The following ELOVL4 variants were observed in gnomAD, a reference collection of about 807,000 sequenced individuals.
ELOVL4 encodes the protein ELOVL fatty acid elongase 4, also known as very long chain fatty acid elongase 4.
ELOVL4 carries 18 observed loss-of-function variants against 42.1 expected under a neutral mutation model. The ratio of observed to expected loss-of-function variants is 0.43; its 90% CI spans 0.30 to 0.63. ELOVL4 has a LOEUF of 0.63. ELOVL4 is among the 30% of genes least tolerant of loss of function. The probability of loss-of-function intolerance (pLI) is 0.15; values close to 1 mark genes in which losing one functional copy is unlikely to be tolerated. For missense variants in ELOVL4, 299 were observed against 376.2 expected (o/e 0.79, Z 1.70); for synonymous variants, 117 against 127.0 (o/e 0.92, Z 0.53).
intron 1 of ELOVL4, among the ~76,000 whole-genome samples, chr6:79,928,740 T>G (rs796563375): frequency 7.0e-6 from 1 of 141,852 alleles, no homozygotes; most frequent in Non-Finnish European, 1.5e-5. Flanking sequence ...TTTTTTTTTT[T>G]TTTTTTTTTT....
intron 1 of ELOVL4, among the ~76,000 whole-genome samples, chr6:79,930,170 C>T (rs1356003289): frequency 6.6e-6 from 1 of 152,160 alleles, no homozygotes; most frequent in African/African-American, 2.4e-5. Flanking sequence ...TACTTCATTC[C>T]TTACTCCAGG....
intron 1 of ELOVL4, among the ~76,000 whole-genome samples, chr6:79,945,583 G>A (rs1645198874): frequency 6.6e-6 from 1 of 152,130 alleles, no homozygotes; most frequent in African/African-American, 2.4e-5. Flanking sequence ...CTGGCTATAT[G>A]GAGACTGGAG....
Position 79,928,755 on chromosome 6 carries a change from T to TA in ELOVL4, c.101-2375dup, listed in dbSNP as rs1554162854. 4.3e-4 allele frequency among the ~76,000 whole-genome samples: 63 copies of TA among 145,494 alleles called. 1 individual carries two copies. In the East Asian group the frequency reaches 0.013, roughly 29 times the overall value. ...TTTTTTTTTTTTTTTTTTTTTTTTT[T>TA]AAGAAATGGAGTCTCATTCTATTGT... On this transcript the variant is annotated intron_variant, in intron 1 of 5. Transcript: ENST00000369816.
chr6:79,919,508 A>G lies in ELOVL4; in HGVS notation c.581T>C (p.Ile194Thr). The part of the protein sequence containing the change: ...GAQLNSFIHV[I>T]MYSYYGLTAF... ...AGTTAACCCATAGTATGAGTACATA[A>G]TCACATGGATAAAGGAATTCAACTG... Residue 194 changes from isoleucine to threonine, a missense_variant, in exon 5 of 6, where the codon ATT (isoleucine) becomes ACT (threonine). Ile to Thr is a moderately conservative substitution (Grantham distance 89). Coordinates refer to ENST00000369816, the MANE Select transcript of ELOVL4 (RefSeq NM_022726.4). 6.2e-7 allele frequency: 1 copy of G among 1,613,718 alleles called. No homozygotes were observed. Among genetic ancestry groups the G allele is most frequent in the Non-Finnish European group, 8.5e-7 (1 of 1,179,754 alleles).
In ELOVL4 at chr6:79,938,468, T is replaced by C. The variant is rs558336939; in HGVS notation, c.100+8712A>G. Among the ~76,000 whole-genome samples the C allele has an allele frequency of 2.0e-5, 3 of 152,366 alleles. No homozygotes were observed. In the South Asian group the frequency reaches 6.2e-4, roughly 32 times the overall value. Reference sequence around the variant, plus strand: ...TGGGTAAAATACGGTTAGTCCTGAATGAATTTCATTATCCTTTCACTAACA... The same window carrying C: ...TGGGTAAAATACGGTTAGTCCTGAACGAATTTCATTATCCTTTCACTAACA... On this transcript the variant is annotated intron_variant, in intron 1 of 5. Coordinates refer to ENST00000369816, the MANE Select transcript of ELOVL4 (RefSeq NM_022726.4).
chr6:79,943,833 T>G (rs1774689884), intron 1 of ELOVL4, among the ~76,000 whole-genome samples: 1 of 152,224 alleles, frequency 6.6e-6, no homozygotes, highest in African/African-American at 2.4e-5. Context: ...CACTCATCCC[T>G]TCTTTCTGAC....
rs1201139304 is a variant in ELOVL4, at chr6:79,919,401, T to C, written c.669+19A>G. The C allele has an allele frequency of 1.2e-6, 2 of 1,613,352 alleles. No homozygotes were observed. The highest frequency in any genetic ancestry group is 2.2e-5 in the South Asian group (2 of 91,072). ...TTTCAGTATTTTACCAGAAGAAACT[T>C]TGGAAGCATTTAACTCACCAGTTGC... is the stretch of plus-strand genomic sequence containing the variant. On this transcript the variant is annotated intron_variant, in intron 5 of 5. Transcript: ENST00000369816.
At position 79,915,257 on chromosome 6, in the gene ELOVL4, C is replaced by A. The variant is rs956180177; in HGVS notation, c.*1351G>T. The A allele has an allele frequency of 6.6e-6, 1 of 152,582 alleles. No individual in the cohort carries two copies. The highest frequency in any genetic ancestry group is 2.1e-4 in the South Asian group (1 of 4,824). 9.5% of individuals were successfully genotyped at this position (152,582 alleles called of 1,614,324 possible). A position where few individuals can be genotyped will look rare whatever the true frequency, so the allele number is the denominator to read the frequency against. On this transcript the variant is annotated 3_prime_UTR_variant, in exon 6 of 6. Coordinates refer to ENST00000369816, the MANE Select transcript of ELOVL4 (RefSeq NM_022726.4). ...AAAACATGATACAAATTCTTTCCTACTTTATTTCCAGTTGTTCACTTATAT... is the reference window on the plus strand; with the variant it reads ...AAAACATGATACAAATTCTTTCCTAATTTATTTCCAGTTGTTCACTTATAT...
chr6:79,931,289 T>A (rs1175861618), intron 1 of ELOVL4, among the ~76,000 whole-genome samples: 1 of 152,150 alleles, frequency 6.6e-6, no homozygotes, highest in African/African-American at 2.4e-5. Flanking sequence ...CATGTAAACC[T>A]TTACCTAAAC....
intron 1 of ELOVL4, among the ~76,000 whole-genome samples, chr6:79,930,357 C>CA (rs1375572002): frequency 3.3e-5 from 5 of 152,148 alleles, no homozygotes; most frequent in Non-Finnish European, 5.9e-5. Flanking sequence ...TTCAGCCTCC[C>CA]AGGATTATCA....
intron 1 of ELOVL4, among the ~76,000 whole-genome samples, chr6:79,940,663 T>C (rs75187702): frequency 0.015 from 2,233 of 152,274 alleles, 32 homozygotes; most frequent in Non-Finnish European, 0.023. Context: ...AACTAAGCCT[T>C]AAAGGTTATG....
intron 3 of ELOVL4, among the ~76,000 whole-genome samples, chr6:79,923,358 A>AT (rs1382678859): frequency 1.6e-4 from 25 of 151,638 alleles, no homozygotes; most frequent in Non-Finnish European, 1.3e-4. Context: ...ATAATAGCTC[A>AT]TTTTTTAAAG....
intron 3 of ELOVL4, 92 bp downstream of exon 3, chr6:79,924,860 C>CT (rs1774317683): frequency 2.4e-6 from 2 of 833,108 alleles, no homozygotes; most frequent in Admixed American, 3.9e-5. Context: ...GAAACTGTCT[C>CT]TTAAAAAAAA....
At chr6:79,934,092 G>A (rs889532373) in intron 1 of ELOVL4, among the ~76,000 whole-genome samples, 1 of 152,202 alleles carries the variant, frequency 6.6e-6, no homozygotes, top group African/African-American at 2.4e-5. Flanking sequence ...AGGTGGAGGC[G>A]TCCAGTAGCC....
chr6:79,929,108 G>A (rs555337881), intron 1 of ELOVL4, among the ~76,000 whole-genome samples: 4 of 140,338 alleles, frequency 2.9e-5, no homozygotes, highest in African/African-American at 2.6e-5. Context: ...TGGATGGGAA[G>A]TAGGTGAACC....
chr6:79,921,312 T>C (rs1774249530), intron 4 of ELOVL4, among the ~76,000 whole-genome samples: 1 of 150,960 alleles, frequency 6.6e-6, no homozygotes, highest in African/African-American at 2.4e-5. Flanking sequence ...ATACAAAAAA[T>C]TAGCTAGGCG....
chr6:79,916,810 T>G lies in ELOVL4; in HGVS notation c.743A>C (p.His248Pro). 6.2e-7 allele frequency: 1 copy of G among 1,614,154 alleles called. No homozygotes were observed. The highest frequency in any genetic ancestry group is 8.5e-7 in the Non-Finnish European group (1 of 1,180,018). ...YTDCPFPKWMHWALIAYAISF... is the reference protein window; with the variant it reads ...YTDCPFPKWMPWALIAYAISF... ...GATTGCATAGGCAATTAGAGCCCAGTGCATCCATTTGGGGAAGGGGCAGTC... is the reference window on the plus strand; with the variant it reads ...GATTGCATAGGCAATTAGAGCCCAGGGCATCCATTTGGGGAAGGGGCAGTC... Residue 248 changes from histidine to proline, a missense_variant, in exon 6 of 6, where the codon CAC (histidine) becomes CCC (proline). By Grantham distance (77) the His-to-Pro change is moderately conservative. Transcript: ENST00000369816.
chr6:79,938,853 G>C (rs986980657), intron 1 of ELOVL4, among the ~76,000 whole-genome samples: 1 of 152,186 alleles, frequency 6.6e-6, no homozygotes, highest in Non-Finnish European at 1.5e-5. Flanking sequence ...ACAGATTACA[G>C]GCCTGATTAT....
chr6:79,935,132 A>G (rs986345829), intron 1 of ELOVL4, among the ~76,000 whole-genome samples: 1 of 152,186 alleles, frequency 6.6e-6, no homozygotes, highest in African/African-American at 2.4e-5. Flanking sequence ...GTAATCTAAT[A>G]GTTTTCAACT....
Sources: allele counts gnomAD v4.1 joint callset (sites outside exome capture counted in the v4.1 genomes callset), GRCh38; gene constraint gnomAD v4.1.1; transcripts MANE v1.5; gene names NCBI Gene and HGNC (gene_info 2026-07-23, HGNC 2026-07-21).